The following ATAD2B variants were observed in gnomAD, a reference collection of about 807,000 sequenced individuals.
The protein encoded by ATAD2B is ATPase family AAA domain-containing protein 2B.
ATAD2B carries 40 observed loss-of-function variants against 167.6 expected under a neutral mutation model. That is an observed-to-expected ratio of 0.24 (90% CI 0.19 to 0.31). The LOEUF (loss-of-function observed/expected upper bound fraction) is 0.31, where lower values mean the gene tolerates loss of function less well. Ranked by LOEUF, ATAD2B falls within the 10% of genes least tolerant of loss-of-function variation. The pLI, the probability that ATAD2B is intolerant of heterozygous loss-of-function variation, is 1.00. For synonymous variants in ATAD2B, 579 were observed against 596.5 expected (o/e 0.97, Z 0.43); for missense variants, 1,242 against 1,757.2 (o/e 0.71, Z 5.24).
chr2:23,698,674 C>T, the ATAD2B span, among the ~76,000 whole-genome samples: 235 of 152,102 alleles, frequency 1.5e-3, no homozygotes, highest in African/African-American at 5.4e-3. Flanking sequence ...TATAAATAAC[C>T]GGGTCTAATA....
chr2:23,859,553 C>G (rs1315637016), intron 12 of ATAD2B, among the ~76,000 whole-genome samples: 2 of 148,860 alleles, frequency 1.3e-5, no homozygotes, highest in East Asian at 3.8e-4. Flanking sequence ...AATGCTCTGT[C>G]TGTAATAGGA....
chr2:23,792,767 A>T (rs1383162414), intron 19 of ATAD2B, among the ~76,000 whole-genome samples: 2 of 151,662 alleles, frequency 1.3e-5, no homozygotes, highest in African/African-American at 4.8e-5. Context: ...TCAAGACCAT[A>T]CTGGCTAACA....
the ATAD2B span, chr2:23,693,259 T>C: frequency 6.5e-7 from 1 of 1,539,318 alleles, no homozygotes; most frequent in Non-Finnish European, 8.8e-7. Flanking sequence ...TCCTGCGCTG[T>C]CGCCCCCAGA....
intron 1 of ATAD2B, among the ~76,000 whole-genome samples, chr2:23,899,519 A>C (rs192956532): frequency 4.4e-4 from 67 of 152,274 alleles, no homozygotes; most frequent in African/African-American, 1.6e-3. Context: ...GATATACTTC[A>C]ATCTTATAAC....
At chr2:23,805,785 T>A (rs191582939) in intron 18 of ATAD2B, among the ~76,000 whole-genome samples, 1 of 66,264 alleles carries the variant, frequency 1.5e-5, no homozygotes, top group Non-Finnish European at 2.9e-5. Flanking sequence ...CAAATGGCAT[T>A]ATCAAGCTTT....
At chr2:23,686,584 G>A in the ATAD2B span, among the ~76,000 whole-genome samples, 1 of 151,900 alleles carries the variant, frequency 6.6e-6, no homozygotes, top group African/African-American at 2.4e-5. Flanking sequence ...GAGGTGTCAC[G>A]GGCATCAGAG....
At chr2:23,693,597 A>C in the ATAD2B span, 12 of 1,463,634 alleles carry the variant, frequency 8.2e-6, no homozygotes, top group African/African-American at 1.5e-4. Flanking sequence ...TGGGGTCTGC[A>C]GCAAGGAGGA....
the ATAD2B span, among the ~76,000 whole-genome samples, chr2:23,702,096 G>T: frequency 0.5 from 76,235 of 151,808 alleles, 19,788 homozygotes; most frequent in East Asian, 0.79. Context: ...GTGCTGGGAT[G>T]ATAGGCGTGA....
the ATAD2B span, among the ~76,000 whole-genome samples, chr2:23,698,433 G>A: frequency 6.6e-6 from 1 of 152,190 alleles, no homozygotes; most frequent in Non-Finnish European, 1.5e-5. Context: ...GGCACACAGT[G>A]GCAATGATGA....
At chr2:23,757,190 C>T (rs770737760) in intron 25 of ATAD2B, among the ~76,000 whole-genome samples, 6 of 152,092 alleles carry the variant, frequency 3.9e-5, no homozygotes, top group South Asian at 2.1e-4. Context: ...GCAATGCACT[C>T]GAAACGATAC....
intron 4 of ATAD2B, among the ~76,000 whole-genome samples, chr2:23,887,269 C>T (rs1698822487): frequency 1.3e-5 from 2 of 152,040 alleles, no homozygotes; most frequent in African/African-American, 2.4e-5. Context: ...ACTATGCTGC[C>T]GTGACTGGTC....
chr2:23,772,224 T>G (rs1457475163), intron 22 of ATAD2B, among the ~76,000 whole-genome samples: 1 of 152,198 alleles, frequency 6.6e-6, no homozygotes, highest in Non-Finnish European at 1.5e-5. Flanking sequence ...AGTCTCCTGG[T>G]GTCTTTTAAA....
the ATAD2B span, among the ~76,000 whole-genome samples, chr2:23,682,667 C>T: frequency 6.6e-6 from 1 of 151,932 alleles, no homozygotes; most frequent in African/African-American, 2.4e-5. The surrounding 1 kb of genome is among the most constrained non-coding windows in gnomAD (Gnocchi z 4.1). Flanking sequence ...CCCTCGTGCT[C>T]CTGCACCCTC....
intron 22 of ATAD2B, among the ~76,000 whole-genome samples, chr2:23,767,517 T>A (rs1239027154): frequency 6.6e-6 from 1 of 152,170 alleles, no homozygotes; most frequent in African/African-American, 2.4e-5. Context: ...TTTATAACAG[T>A]AGTCAGAACA....
chr2:23,863,689 C>T (rs1694752173), intron 11 of ATAD2B, 134 bp from the exon 12 acceptor site: 2 of 846,664 alleles, frequency 2.4e-6, no homozygotes, highest in Non-Finnish European at 3.5e-6. Context: ...AAGCTTTTTC[C>T]AGGATATAGA....
chr2:23,840,806 G>C (rs1310326275), intron 13 of ATAD2B, among the ~76,000 whole-genome samples: 3 of 152,130 alleles, frequency 2.0e-5, no homozygotes, highest in African/African-American at 7.2e-5. Context: ...GAGATGTACA[G>C]GATCTCTCCC....
At chr2:23,859,221 T>C (rs544953578) in intron 12 of ATAD2B, among the ~76,000 whole-genome samples, 1 of 152,352 alleles carries the variant, frequency 6.6e-6, no homozygotes, top group South Asian at 2.1e-4. Context: ...AAGTCATTTA[T>C]ATTGCTTTTC....
chr2:23,903,466 C>T (rs369469202), intron 1 of ATAD2B, among the ~76,000 whole-genome samples: 124 of 152,152 alleles, frequency 8.1e-4, no homozygotes, highest in South Asian at 2.1e-3. Context: ...TTAATTCTAA[C>T]CTCTTTGAAT....
chr2:23,914,792 A>G (rs1702805779), intron 1 of ATAD2B, among the ~76,000 whole-genome samples: 1 of 151,910 alleles, frequency 6.6e-6, no homozygotes, highest in African/African-American at 2.4e-5. Context: ...GCAGTGAGCC[A>G]AGATCGCGCC....
Sources: gnomAD v4.1 joint callset for allele counts (sites outside exome capture counted in the v4.1 genomes callset) on GRCh38, gnomAD v4.1.1 for gene constraint, Gnocchi (gnomAD v3.1) non-coding constraint, MANE v1.5 for transcripts, NCBI Gene and HGNC (gene_info 2026-07-23, HGNC 2026-07-21) for gene names.